TSPAN5: variants seen among roughly 807,000 people sequenced by gnomAD.
TSPAN5 encodes the protein tetraspanin-5.
TSPAN5 carries 10 observed loss-of-function variants against 37.1 expected under a neutral mutation model. The observed-to-expected ratio is 0.27, with a 90% CI of 0.17 to 0.46. TSPAN5 has a LOEUF of 0.46. Among genes scored for constraint, TSPAN5 ranks in the 20% least tolerant of loss-of-function variants. The pLI, the probability that TSPAN5 is intolerant of heterozygous loss-of-function variation, is 1.00. For synonymous variants in TSPAN5, 110 were observed against 118.9 expected (o/e 0.93, Z 0.48); for missense variants, 195 against 326.6 (o/e 0.60, Z 3.11).
chr4:98,603,575 T>G (rs1050802412), intron 1 of TSPAN5, among the ~76,000 whole-genome samples: 4 of 152,156 alleles, frequency 2.6e-5, no homozygotes, highest in African/African-American at 9.7e-5. Flanking sequence ...GCTATCTCAA[T>G]TCATGGGAAT....
chr4:98,504,723 C>T (rs1257666710), intron 2 of TSPAN5, among the ~76,000 whole-genome samples: 2 of 152,100 alleles, frequency 1.3e-5, no homozygotes, highest in East Asian at 1.9e-4. Flanking sequence ...AAGGAAATGG[C>T]ATCTCAGAGA....
intron 1 of TSPAN5, among the ~76,000 whole-genome samples, chr4:98,573,709 G>A (rs1000047421): frequency 1.3e-5 from 2 of 152,168 alleles, no homozygotes; most frequent in African/African-American, 4.8e-5. Flanking sequence ...CACCCACCAA[G>A]GACTAAACAA....
intron 1 of TSPAN5, among the ~76,000 whole-genome samples, chr4:98,609,655 A>C (rs1348629796): frequency 6.6e-6 from 1 of 152,188 alleles, no homozygotes; most frequent in Non-Finnish European, 1.5e-5. Flanking sequence ...AATGTATTGA[A>C]GGACAATGTC....
rs1757327350 is a variant in TSPAN5 at position 98,658,045 on chromosome 4, C to A, written c.81+101G>T. On this transcript the variant is annotated intron_variant, in intron 1 of 7. Transcript: ENST00000305798. ...TGCCTCTATGCTGCTCCGGCAAGCGCCTGCGGGGCTGCGAAAAGTAAAGGC... is the reference window on the plus strand; with the variant it reads ...TGCCTCTATGCTGCTCCGGCAAGCGACTGCGGGGCTGCGAAAAGTAAAGGC... The A allele has an allele frequency of 3.5e-5, 37 of 1,048,440 alleles. No individual in the cohort carries two copies. In the South Asian group the frequency reaches 4.5e-4, roughly 13 times the overall value. The allele number at this position is 1,048,440 out of a possible 1,614,324, so 64.9% of individuals were successfully genotyped here. A position where few individuals can be genotyped will look rare whatever the true frequency, so the allele number is the denominator to read the frequency against.
intron 1 of TSPAN5, among the ~76,000 whole-genome samples, chr4:98,643,107 G>A (rs1195390638): frequency 1.3e-5 from 2 of 152,120 alleles, no homozygotes; most frequent in Non-Finnish European, 2.9e-5. Flanking sequence ...AGTCCTGCAA[G>A]CTCCATTCGT....
At chr4:98,481,925 C>T in intron 4 of TSPAN5, 80 bp downstream of exon 4, 1 of 1,443,394 alleles carries the variant, frequency 6.9e-7, no homozygotes, top group Non-Finnish European at 9.6e-7. Context: ...CTGGCAGATG[C>T]AGAAACCAGG....
intron 3 of TSPAN5, chr4:98,484,063 T>TTAAAAA: frequency 2.2e-5 from 4 of 185,970 alleles, no homozygotes; most frequent in South Asian, 1.1e-4. Context: ...TGTTCTCACC[T>TTAAAAA]CCATAAAAGT....
At chr4:98,546,378 C>G (rs1016299008) in intron 1 of TSPAN5, among the ~76,000 whole-genome samples, 11 of 152,158 alleles carry the variant, frequency 7.2e-5, no homozygotes, top group Admixed American at 2.0e-4. Context: ...GGACGGATCC[C>G]TGAGTATCCC....
chr4:98,545,468 T>A (rs1440271076), intron 1 of TSPAN5, among the ~76,000 whole-genome samples: 1 of 152,214 alleles, frequency 6.6e-6, no homozygotes, highest in African/African-American at 2.4e-5. Context: ...ATATATATAT[T>A]TTTTCATTTA....
chr4:98,575,906 T>C (rs1306782354), intron 1 of TSPAN5, among the ~76,000 whole-genome samples: 1 of 151,656 alleles, frequency 6.6e-6, no homozygotes, highest in East Asian at 1.9e-4. Flanking sequence ...CCATCTCTAC[T>C]AAAAATACAA....
At position 98,635,062 on chromosome 4, in the gene TSPAN5, C is replaced by T. The variant is rs114881240; in HGVS notation, c.81+23084G>A. Among the ~76,000 whole-genome samples the T allele has an allele frequency of 5.1e-3, 773 of 152,328 alleles. 7 individuals are homozygous for T. The highest frequency in any genetic ancestry group is 0.017 in the African/African-American group (719 of 41,572). On this transcript the variant is annotated intron_variant, in intron 1 of 7. Transcript: ENST00000305798. ...ATTTATAACAGGCACTTTCCATTCGCCCCAGTCTCCACCATCAGCTGCCTG... is the reference window on the plus strand; with the variant it reads ...ATTTATAACAGGCACTTTCCATTCGTCCCAGTCTCCACCATCAGCTGCCTG...
At chr4:98,630,720 C>T (rs1270483000) in intron 1 of TSPAN5, among the ~76,000 whole-genome samples, 1 of 152,182 alleles carries the variant, frequency 6.6e-6, no homozygotes, top group Non-Finnish European at 1.5e-5. Context: ...ACAAAAAGTT[C>T]TCTGAGAAAG....
intron 1 of TSPAN5, among the ~76,000 whole-genome samples, chr4:98,524,309 C>T (rs1360347454): frequency 6.6e-6 from 1 of 152,124 alleles, no homozygotes. Context: ...GAAAGTAAAC[C>T]GCTGACAGAA....
At position 98,490,832 on chromosome 4, in the gene TSPAN5, G is replaced by A. The variant is rs189335977; in HGVS notation, c.133-3948C>T. Among the ~76,000 whole-genome samples the A allele has an allele frequency of 1.3e-3, 203 of 152,168 alleles. 1 individual carries two copies. Among genetic ancestry groups the A allele is most frequent in the Admixed American group, 2.6e-3 (39 of 15,286 alleles). On this transcript the variant is annotated intron_variant, in intron 2 of 7. Transcript: ENST00000305798. ...TCCCAGCACTTTGGGAGGCCGAGGC[G>A]GGCAGATCACGAGGTCAGGAAATCG...
At chr4:98,566,831 C>G (rs578095075) in intron 1 of TSPAN5, among the ~76,000 whole-genome samples, 1 of 152,304 alleles carries the variant, frequency 6.6e-6, no homozygotes, top group East Asian at 1.9e-4. Flanking sequence ...GGCAGGGGCA[C>G]CGCACGCAGG....
intron 1 of TSPAN5, among the ~76,000 whole-genome samples, chr4:98,610,758 T>G (rs926229675): frequency 6.6e-6 from 1 of 152,142 alleles, no homozygotes; most frequent in Non-Finnish European, 1.5e-5. Flanking sequence ...AGCTAACAAC[T>G]CACTTAGGGC....
rs184493358 is a variant in TSPAN5, at chr4:98,592,416, T to A, written c.81+65730A>T. 8.2e-3 allele frequency among the ~76,000 whole-genome samples: 1,048 copies of A among 127,976 alleles called. 28 individuals are homozygous for A. Among genetic ancestry groups the A allele is most frequent in the African/African-American group, 0.032 (1,012 of 31,812 alleles). The allele number at this position is 127,976 out of a possible 152,430, so 84.0% of individuals were successfully genotyped here. A position where few individuals can be genotyped will look rare whatever the true frequency, so the allele number is the denominator to read the frequency against. On this transcript the variant is annotated intron_variant, in intron 1 of 7. Coordinates refer to ENST00000305798, the MANE Select transcript of TSPAN5 (RefSeq NM_005723.4). ...GGGCCTGGTTTACCTAACTAAGGGATCTCTGTTTTTTGTTTTTTTTTTTTT... is the reference window on the plus strand; with the variant it reads ...GGGCCTGGTTTACCTAACTAAGGGAACTCTGTTTTTTGTTTTTTTTTTTTT...
intron 7 of TSPAN5, among the ~76,000 whole-genome samples, chr4:98,475,694 T>A (rs75996915): frequency 0.012 from 1,833 of 152,216 alleles, 12 homozygotes; most frequent in South Asian, 0.023. Context: ...AGAGCTTTAA[T>A]AAAACACAAA....
intron 2 of TSPAN5, among the ~76,000 whole-genome samples, chr4:98,495,924 T>C (rs1255776532): frequency 1.3e-5 from 2 of 152,054 alleles, no homozygotes; most frequent in African/African-American, 2.4e-5. Context: ...TCCTTCCAAC[T>C]GCTGGATAAG....
Sources: allele counts gnomAD v4.1 joint callset (sites outside exome capture counted in the v4.1 genomes callset), GRCh38; gene constraint gnomAD v4.1.1; transcripts MANE v1.5; gene names NCBI Gene and HGNC (gene_info 2026-07-23, HGNC 2026-07-21).